Variants in RPS6KC1 observed in about 807,000 individuals in gnomAD.
RPS6KC1 encodes the protein inactive ribosomal protein S6 kinase delta-1.
A neutral mutation model predicts 103.8 loss-of-function variants in RPS6KC1; 54 were observed. That is an observed-to-expected ratio of 0.52 (90% CI 0.42 to 0.65). RPS6KC1 has a LOEUF of 0.65. RPS6KC1 is among the 30% of genes least tolerant of loss of function. The probability of loss-of-function intolerance (pLI) is 0.00; values close to 1 mark genes in which losing one functional copy is unlikely to be tolerated. For synonymous variants in RPS6KC1, 439 were observed against 438.7 expected, an observed-to-expected ratio of 1.00 and a Z score of -0.01; for missense variants, 1,151 against 1,253.8, an observed-to-expected ratio of 0.92 and a Z score of 1.24.
intron 8 of RPS6KC1, among the ~76,000 whole-genome samples, chr1:213,192,387 A>G (rs973043707): frequency 5.3e-5 from 8 of 152,142 alleles, no homozygotes; most frequent in Admixed American, 5.2e-4. Context: ...TCGGGGTAAT[A>G]CTAGCCTCAT....
chr1:213,231,123 A>C (rs2094094721), intron 9 of RPS6KC1, among the ~76,000 whole-genome samples: 1 of 152,164 alleles, frequency 6.6e-6, no homozygotes, highest in Admixed American at 6.5e-5. Context: ...GGATAAACTG[A>C]AGAACCATTT....
At chr1:213,479,030 ATT>A in the RPS6KC1 span, among the ~76,000 whole-genome samples, 7,565 of 152,062 alleles carry the variant, frequency 0.05, 606 homozygotes, top group African/African-American at 0.17. Flanking sequence ...TGCAAATTAC[ATT>A]TTTCAAGACT....
chr1:213,566,134 G>A, the RPS6KC1 span, among the ~76,000 whole-genome samples: 1 of 152,088 alleles, frequency 6.6e-6, no homozygotes, highest in East Asian at 1.9e-4. Context: ...ACAATGAAAT[G>A]GAGTAAAATA....
intron 3 of RPS6KC1, among the ~76,000 whole-genome samples, chr1:213,103,598 A>G (rs1189903208): frequency 6.6e-6 from 1 of 152,182 alleles, no homozygotes; most frequent in Non-Finnish European, 1.5e-5. Context: ...TGCCAGTCAT[A>G]TAGGCACTTG....
At chr1:213,423,665 G>A in the RPS6KC1 span, among the ~76,000 whole-genome samples, 699 of 152,304 alleles carry the variant, frequency 4.6e-3, 2 homozygotes, top group Middle Eastern at 0.017. Context: ...TCTTTCCTAT[G>A]TCAAGCCTCT....
the RPS6KC1 span, among the ~76,000 whole-genome samples, chr1:213,470,252 G>A: frequency 6.6e-6 from 1 of 152,026 alleles, no homozygotes. Flanking sequence ...GCTATTTTTT[G>A]TTTTGTGTTT....
the RPS6KC1 span, among the ~76,000 whole-genome samples, chr1:213,415,178 C>T: frequency 6.6e-6 from 1 of 152,208 alleles, no homozygotes; most frequent in South Asian, 2.1e-4. Context: ...TATGTTTCAT[C>T]CAGGGGCCAA....
At chr1:213,844,240 G>A in the RPS6KC1 span, among the ~76,000 whole-genome samples, 1 of 152,128 alleles carries the variant, frequency 6.6e-6, no homozygotes, top group Non-Finnish European at 1.5e-5. Context: ...TGTTCCTGGT[G>A]CATTGCACAA....
the RPS6KC1 span, among the ~76,000 whole-genome samples, chr1:213,691,487 T>A: frequency 6.6e-6 from 1 of 152,110 alleles, no homozygotes; most frequent in Non-Finnish European, 1.5e-5. Context: ...TCAGGCAAGA[T>A]TTTCTATTAG....
the RPS6KC1 span, among the ~76,000 whole-genome samples, chr1:213,769,901 A>C: frequency 6.6e-6 from 1 of 152,158 alleles, no homozygotes; most frequent in East Asian, 1.9e-4. Context: ...AATATGTCAA[A>C]TTGTGGACTG....
the RPS6KC1 span, among the ~76,000 whole-genome samples, chr1:213,319,884 T>A: frequency 1.3e-5 from 2 of 152,210 alleles, no homozygotes; most frequent in Non-Finnish European, 2.9e-5. Context: ...CAGAACCTAA[T>A]GCAATTAGAT....
the RPS6KC1 span, among the ~76,000 whole-genome samples, chr1:213,564,446 A>T: frequency 9.2e-5 from 14 of 152,212 alleles, no homozygotes; most frequent in South Asian, 2.1e-4. Flanking sequence ...AAGAAGGAAG[A>T]GGGAACTTTG....
At chr1:213,714,026 C>G in the RPS6KC1 span, among the ~76,000 whole-genome samples, 1 of 152,180 alleles carries the variant, frequency 6.6e-6, no homozygotes, top group East Asian at 1.9e-4. Flanking sequence ...CTCTGTCTGC[C>G]TTGGCAGATG....
the RPS6KC1 span, among the ~76,000 whole-genome samples, chr1:213,308,843 A>G: frequency 6.6e-6 from 1 of 152,222 alleles, no homozygotes; most frequent in Non-Finnish European, 1.5e-5. Flanking sequence ...TGACAACACT[A>G]AGACAAATAA....
At chr1:213,474,038 A>G in the RPS6KC1 span, among the ~76,000 whole-genome samples, 1 of 152,162 alleles carries the variant, frequency 6.6e-6, no homozygotes, top group Non-Finnish European at 1.5e-5. Flanking sequence ...AGGAAGAGCT[A>G]GGAGATACCC....
chr1:213,167,195 A>G (rs1241636377), intron 6 of RPS6KC1, among the ~76,000 whole-genome samples: 1 of 152,180 alleles, frequency 6.6e-6, no homozygotes, highest in Non-Finnish European at 1.5e-5. Context: ...GAAACAAGAA[A>G]GCAGCTTTCA....
intron 6 of RPS6KC1, among the ~76,000 whole-genome samples, chr1:213,159,801 A>G (rs2090288056): frequency 6.6e-6 from 1 of 152,224 alleles, no homozygotes; most frequent in African/African-American, 2.4e-5. Context: ...CCACATTTTT[A>G]TATCTGTAGC....
At chr1:213,220,571 C>T (rs578219501) in intron 8 of RPS6KC1, among the ~76,000 whole-genome samples, 56 of 152,262 alleles carry the variant, frequency 3.7e-4, no homozygotes, top group Non-Finnish European at 6.5e-4. Flanking sequence ...GCAATCTGCC[C>T]GCCTCAGTCT....
At chr1:213,100,836 T>C (rs961496313) in intron 3 of RPS6KC1, among the ~76,000 whole-genome samples, 4 of 151,772 alleles carry the variant, frequency 2.6e-5, no homozygotes, top group Non-Finnish European at 4.4e-5. Flanking sequence ...AGTCCACTGT[T>C]GATGGGCACC....
Sources: gnomAD v4.1 joint callset for allele counts (sites outside exome capture counted in the v4.1 genomes callset) on GRCh38, gnomAD v4.1.1 for gene constraint, MANE v1.5 for transcripts, NCBI Gene and HGNC (gene_info 2026-07-23, HGNC 2026-07-21) for gene names.